Variants in AKT3 observed in about 807,000 individuals in gnomAD.
The protein encoded by AKT3 is AKT serine/threonine kinase 3, also known as RAC-gamma serine/threonine-protein kinase.
AKT3 carries 15 observed loss-of-function variants against 65.3 expected under a neutral mutation model. That is an observed-to-expected ratio of 0.23 (90% CI 0.15 to 0.35). The LOEUF is 0.35. Among genes scored for constraint, AKT3 ranks in the 10% least tolerant of loss-of-function variants. The pLI, the probability that AKT3 is intolerant of heterozygous loss-of-function variation, is 1.00. For synonymous variants in AKT3, 206 were observed against 183.8 expected (o/e 1.12, Z -0.98); for missense variants, 243 against 576.5 (o/e 0.42, Z 5.92).
At chr1:243,736,175 C>A (rs1309052956) in intron 2 of AKT3, among the ~76,000 whole-genome samples, 1 of 152,138 alleles carries the variant, frequency 6.6e-6, no homozygotes, top group African/African-American at 2.4e-5. Context: ...GGATAACAAT[C>A]CCTCTGAAAC....
chr1:243,575,958 A>G (rs1674910395), intron 8 of AKT3, among the ~76,000 whole-genome samples: 2 of 151,968 alleles, frequency 1.3e-5, no homozygotes, highest in African/African-American at 2.4e-5. Flanking sequence ...GGACTTCTGG[A>G]AAAAAAAGAT....
chr1:243,832,855 G>T (rs1694626975), intron 2 of AKT3, among the ~76,000 whole-genome samples: 1 of 152,092 alleles, frequency 6.6e-6, no homozygotes, highest in Non-Finnish European at 1.5e-5. Context: ...CATAGAAAAG[G>T]TACAGTAAAA....
At chr1:243,819,791 A>G (rs561926292) in intron 2 of AKT3, among the ~76,000 whole-genome samples, 2 of 152,296 alleles carry the variant, frequency 1.3e-5, no homozygotes, top group South Asian at 4.1e-4. Flanking sequence ...CAGAGGAAGG[A>G]GTAGGCAGCC....
intron 2 of AKT3, among the ~76,000 whole-genome samples, chr1:243,799,780 GTC>G (rs1692266394): frequency 6.6e-6 from 1 of 152,070 alleles, no homozygotes; most frequent in African/African-American, 2.4e-5. Flanking sequence ...AAAATAAAAT[GTC>G]TCTAATTTTT....
At chr1:243,511,465 T>C (rs1021840403) in intron 13 of AKT3, among the ~76,000 whole-genome samples, 9 of 151,958 alleles carry the variant, frequency 5.9e-5, no homozygotes, top group Non-Finnish European at 8.8e-5. Flanking sequence ...ATCAGCACTA[T>C]GGATAAATCT....
chr1:243,499,856 T>C lies in AKT3; in HGVS notation c.*5393A>G. 1 of 1,465,468 alleles carries C rather than the reference T, an allele frequency of 6.8e-7. No individual in the cohort carries two copies. The highest frequency in any genetic ancestry group is 9.5e-7 in the Non-Finnish European group (1 of 1,051,428). The allele number at this position is 1,465,468 out of a possible 1,614,324, so 90.8% of individuals were successfully genotyped here. ...ACATTCATCTGGTTTAGACTTAATA[T>C]GCCACAACGCACCACGACCTTCCCA... On this transcript the variant is annotated 3_prime_UTR_variant, in exon 14 of 14. Coordinates refer to ENST00000673466, the MANE Select transcript of AKT3 (RefSeq NM_005465.7).
At chr1:243,605,353 C>T (rs780979744) in intron 8 of AKT3, among the ~76,000 whole-genome samples, 133 of 152,198 alleles carry the variant, frequency 8.7e-4, no homozygotes, top group African/African-American at 3.0e-3. Flanking sequence ...TAAATGAACA[C>T]CTGCAGTTAC....
At chr1:243,818,015 T>C (rs891001061) in intron 2 of AKT3, 8 of 152,346 alleles carry the variant, frequency 5.3e-5, no homozygotes, top group African/African-American at 1.9e-4. Context: ...ATTCTTTGCT[T>C]CATTCATTCA....
chr1:243,617,879 C>T (rs1678449345), intron 6 of AKT3, among the ~76,000 whole-genome samples: 1 of 152,100 alleles, frequency 6.6e-6, no homozygotes, highest in Non-Finnish European at 1.5e-5. Context: ...ATAAAAGTTA[C>T]ATGCCTCCAA....
At position 243,802,985 on chromosome 1, in the gene AKT3, C is replaced by CA. The variant is rs937596165; in HGVS notation, c.46+40139dup. Reference sequence around the variant, plus strand: ...GCAACACAGCAAGACCCCATCTCTACAAAAAAATTAAAAATTAGCAGGCAT... The same window carrying CA: ...GCAACACAGCAAGACCCCATCTCTACAAAAAAAATTAAAAATTAGCAGGCAT... On this transcript the variant is annotated intron_variant, in intron 2 of 13. Coordinates refer to ENST00000673466, the MANE Select transcript of AKT3 (RefSeq NM_005465.7). Among the ~76,000 whole-genome samples, 10 of 152,042 alleles carry CA rather than the reference C, an allele frequency of 6.6e-5. 1 individual carries two copies. The highest frequency in any genetic ancestry group is 5.8e-4 in the East Asian group (3 of 5,164).
chr1:243,831,379 C>T (rs967295405), intron 2 of AKT3, among the ~76,000 whole-genome samples: 1 of 152,120 alleles, frequency 6.6e-6, no homozygotes, highest in African/African-American at 2.4e-5. Context: ...CAAAAGAAAT[C>T]ATTCTAATTT....
intron 2 of AKT3, among the ~76,000 whole-genome samples, chr1:243,719,660 G>A (rs1271557853): frequency 1.3e-5 from 2 of 152,172 alleles, no homozygotes; most frequent in Non-Finnish European, 2.9e-5. Flanking sequence ...CAATGGCAGT[G>A]ACTGAAGGAC....
At chr1:243,613,993 C>A (rs1678094843) in intron 7 of AKT3, among the ~76,000 whole-genome samples, 1 of 152,132 alleles carries the variant, frequency 6.6e-6, no homozygotes, top group South Asian at 2.1e-4. Context: ...TTAATTGCAA[C>A]AAGCACTTCT....
intron 2 of AKT3, among the ~76,000 whole-genome samples, chr1:243,743,741 G>A (rs1688308654): frequency 6.6e-6 from 1 of 152,138 alleles, no homozygotes; most frequent in African/African-American, 2.4e-5. Context: ...ACTGGCCAAG[G>A]TTGATGCTAC....
chr1:243,659,358 A>G (rs1293494658), intron 4 of AKT3, among the ~76,000 whole-genome samples: 1 of 152,212 alleles, frequency 6.6e-6, no homozygotes, highest in African/African-American at 2.4e-5. Context: ...TAATATGCAC[A>G]TAGTTAACAA....
chr1:243,721,153 T>G (rs927355176), intron 2 of AKT3, among the ~76,000 whole-genome samples: 2 of 152,052 alleles, frequency 1.3e-5, no homozygotes, highest in Admixed American at 6.6e-5. Flanking sequence ...CAATTACTAC[T>G]CTAACCTTCC....
intron 4 of AKT3, among the ~76,000 whole-genome samples, chr1:243,655,071 T>C (rs1429081675): frequency 6.6e-6 from 1 of 152,152 alleles, no homozygotes; most frequent in Non-Finnish European, 1.5e-5. Context: ...ATGTAAGACA[T>C]GCTCACCGCA....
intron 3 of AKT3, among the ~76,000 whole-genome samples, chr1:243,667,052 C>T (rs1682837372): frequency 6.6e-6 from 1 of 152,110 alleles, no homozygotes; most frequent in South Asian, 2.1e-4. Context: ...ATCACTACCC[C>T]AGGAAAAGAC....
At chr1:243,519,098 A>G (rs974805858) in intron 12 of AKT3, among the ~76,000 whole-genome samples, 1 of 152,266 alleles carries the variant, frequency 6.6e-6, no homozygotes, top group Admixed American at 6.5e-5. Context: ...CGAAGCCAGC[A>G]GCGACAGACC....
Sources: allele counts gnomAD v4.1 joint callset (sites outside exome capture counted in the v4.1 genomes callset), GRCh38; gene constraint gnomAD v4.1.1; transcripts MANE v1.5; gene names NCBI Gene and HGNC (gene_info 2026-07-23, HGNC 2026-07-21).